Variants in ZNF536 observed in about 807,000 individuals in gnomAD.
ZNF536 encodes the protein zinc finger protein 536.
In ZNF536, 13 loss-of-function variants were observed where a neutral mutation model predicts 84.5. The observed-to-expected ratio is 0.15, with a 90% CI of 0.10 to 0.24. The LOEUF is 0.24. ZNF536 is among the 10% of genes least tolerant of loss of function. The pLI is 1.00. For synonymous variants in ZNF536, 811 were observed against 742.5 expected (o/e 1.09, Z -1.50); for missense variants, 1,536 against 1,747.5 (o/e 0.88, Z 2.16).
chr19:30,358,722 T>A (rs1175532360), intron 3 of ZNF536, among the ~76,000 whole-genome samples: 1 of 152,256 alleles, frequency 6.6e-6, no homozygotes, highest in South Asian at 2.1e-4. Flanking sequence ...GCCAGGACGC[T>A]GGCCCTGAGT....
chr19:30,657,929 G>A lies in ZNF536; in HGVS notation c.170-52828G>A, dbSNP rs190659268. ...CTGATCTAACAGACCTTACCCAAAC[G>A]TTTTTACACGCTTCAGCTAGAAGGA... On this transcript the variant is annotated intron_variant, in intron 1 of 1. Transcript: ENST00000592773. 1.3e-3 allele frequency among the ~76,000 whole-genome samples: 196 copies of A among 152,170 alleles called. 1 individual carries two copies. Among genetic ancestry groups the A allele is most frequent in the African/African-American group, 4.2e-3 (176 of 41,544 alleles).
At chr19:30,466,743 AG>A (rs2053422835) in intron 2 of ZNF536, among the ~76,000 whole-genome samples, 1 of 74,702 alleles carries the variant, frequency 1.3e-5, no homozygotes, top group Admixed American at 1.5e-4. Flanking sequence ...GAGGGAGGGA[AG>A]GAAGAAAGGA....
In ZNF536 at chr19:30,656,025, C is replaced by T. The variant is rs116110295; in HGVS notation, c.170-54732C>T. Reference sequence around the variant, plus strand: ...TTGCACTCCAGCCTTGGCAACAGAGCAAGACCGTGTTTCATAAAAAAAAAA... The same window carrying T: ...TTGCACTCCAGCCTTGGCAACAGAGTAAGACCGTGTTTCATAAAAAAAAAA... On this transcript the variant is annotated intron_variant, in intron 1 of 1. Transcript: ENST00000592773. Among the ~76,000 whole-genome samples, 168 of 151,772 alleles carry T rather than the reference C, an allele frequency of 1.1e-3. 2 individuals carry two copies. The highest frequency in any genetic ancestry group is 3.9e-3 in the African/African-American group (162 of 41,254).
chr19:30,534,034 A>G (rs1454986348), intron 2 of ZNF536, among the ~76,000 whole-genome samples: 3 of 152,242 alleles, frequency 2.0e-5, no homozygotes. Flanking sequence ...TCTTTGCAGA[A>G]GGCAGCCATA....
At chr19:30,342,474 C>A (rs112598816) in intron 2 of ZNF536, among the ~76,000 whole-genome samples, 1,867 of 152,288 alleles carry the variant, frequency 0.012, 40 homozygotes, top group African/African-American at 0.043. Flanking sequence ...CTGAATTAGA[C>A]ATCACATAAT....
chr19:30,660,974 C>G (rs1358704238), intron 1 of ZNF536, among the ~76,000 whole-genome samples: 2 of 152,184 alleles, frequency 1.3e-5, no homozygotes, highest in Non-Finnish European at 2.9e-5. Context: ...AAACATTGAC[C>G]AAATACAGGC....
At chr19:30,261,094 C>T (rs1243685642) in intron 1 of ZNF536, among the ~76,000 whole-genome samples, 7 of 151,288 alleles carry the variant, frequency 4.6e-5, no homozygotes, top group South Asian at 2.1e-4. Context: ...GTCAGGAGAT[C>T]GAGACCATCC....
intron 1 of ZNF536, among the ~76,000 whole-genome samples, chr19:30,262,042 G>T (rs1031954481): frequency 2.0e-5 from 3 of 152,228 alleles, no homozygotes; most frequent in Non-Finnish European, 4.4e-5. Flanking sequence ...TGGGAGGTCT[G>T]CAGGTTCAAA....
At chr19:30,421,665 G>C (rs2050964625) in intron 1 of ZNF536, among the ~76,000 whole-genome samples, 1 of 152,198 alleles carries the variant, frequency 6.6e-6, no homozygotes, top group Non-Finnish European at 1.5e-5. Flanking sequence ...CTCTGGCCCG[G>C]CAAGTTCAGA....
At chr19:30,268,491 G>A (rs774780302) in intron 1 of ZNF536, among the ~76,000 whole-genome samples, 4 of 152,068 alleles carry the variant, frequency 2.6e-5, no homozygotes, top group Admixed American at 2.0e-4. Flanking sequence ...GGTGCTTCTC[G>A]ACCCTCCCAG....
chr19:30,255,684 A>G (rs553984109), intron 1 of ZNF536, among the ~76,000 whole-genome samples: 5 of 152,296 alleles, frequency 3.3e-5, no homozygotes, highest in Admixed American at 1.3e-4. Flanking sequence ...TGCAACTTCA[A>G]TACAGCAGTC....
intron 2 of ZNF536, among the ~76,000 whole-genome samples, chr19:30,465,989 A>T (rs1408901870): frequency 6.6e-6 from 1 of 152,010 alleles, no homozygotes; most frequent in South Asian, 2.1e-4. Context: ...TGACCTTGTG[A>T]TCCGACCACC....
Position 30,589,596 on chromosome 19 carries a change from G to A in ZNF536, c.169+40082G>A, listed in dbSNP as rs1431525749. ...TTGGGGGTGATCTCAGGAAGCACAG[G>A]TAGGGGATAAAGAAATGAAGCAAGG... On this transcript the variant is annotated intron_variant, in intron 1 of 1. Transcript: ENST00000592773. Among the ~76,000 whole-genome samples the A allele has an allele frequency of 9.2e-5, 14 of 152,272 alleles. No individual in the cohort carries two copies. The East Asian group carries it at 2.7e-3, about 29-fold the overall frequency.
At chr19:30,418,922 A>C (rs1309429882) in intron 1 of ZNF536, among the ~76,000 whole-genome samples, 1 of 152,216 alleles carries the variant, frequency 6.6e-6, no homozygotes, top group African/African-American at 2.4e-5. Flanking sequence ...CTGCTAAATG[A>C]GGATGGATTT....
At chr19:30,411,897 A>T (rs1347643668) in intron 1 of ZNF536, among the ~76,000 whole-genome samples, 2 of 152,034 alleles carry the variant, frequency 1.3e-5, no homozygotes, top group African/African-American at 4.8e-5. Flanking sequence ...TGATATCACC[A>T]TTTCATCCAT....
At chr19:30,522,209 T>G in intron 2 of ZNF536, among the ~76,000 whole-genome samples, 1 of 37,826 alleles carries the variant, frequency 2.6e-5, no homozygotes, top group African/African-American at 1.2e-4. Context: ...TGGGAACAGG[T>G]CTCCAGAAAG....
chr19:30,410,130 G>A (rs553862458), intron 1 of ZNF536, among the ~76,000 whole-genome samples: 4 of 152,134 alleles, frequency 2.6e-5, no homozygotes, highest in East Asian at 1.9e-4. Flanking sequence ...ATCTTTTAAT[G>A]TATTCCTTTA....
At chr19:30,559,493 A>G (rs1054448385), downstream of ZNF536, among the ~76,000 whole-genome samples, 4 of 152,178 alleles carry the variant, frequency 2.6e-5, no homozygotes, top group Non-Finnish European at 5.9e-5. Flanking sequence ...CATCGAGGGA[A>G]AAATTCCTCC....
At chr19:30,248,225 T>TTTTG (rs1555774838) in intron 1 of ZNF536, among the ~76,000 whole-genome samples, 1 of 79,032 alleles carries the variant, frequency 1.3e-5, no homozygotes, top group South Asian at 4.5e-4. Context: ...CTTTTCTTTC[T>TTTTG]TTTTTTTTTT....
Sources: allele counts gnomAD v4.1 joint callset (sites outside exome capture counted in the v4.1 genomes callset), GRCh38; gene constraint gnomAD v4.1.1; transcripts MANE v1.5; gene names NCBI Gene and HGNC (gene_info 2026-07-23, HGNC 2026-07-21).